The following SMC1A variants were observed in gnomAD, a reference collection of about 807,000 sequenced individuals.
SMC1A encodes structural maintenance of chromosomes protein 1A.
Under a neutral mutation model 94.5 loss-of-function variants are expected in SMC1A, and 4 were observed. That is an observed-to-expected ratio of 0.04 (90% CI 0.02 to 0.10). The LOEUF (loss-of-function observed/expected upper bound fraction) is 0.10. SMC1A is among the 10% of genes least tolerant of loss of function. The pLI, the probability that SMC1A is intolerant of heterozygous loss-of-function variation, is 1.00. For missense variants in SMC1A, 304 were observed against 989.0 expected (o/e 0.31, Z 9.29); for synonymous variants, 345 against 347.7 (o/e 0.99, Z 0.09).
At chrX:53,386,925 CTTAA>C (rs1556886506) in intron 19 of SMC1A, among the ~76,000 whole-genome samples, 1 of 112,211 alleles carries the variant, frequency 8.9e-6, no homozygotes, top group Non-Finnish European at 1.9e-5. Context: ...CTTTCCTTAG[CTTAA>C]TAATAAAAAG....
chrX:53,406,950 G>C (rs1190993545), intron 9 of SMC1A, among the ~76,000 whole-genome samples: 1 of 111,993 alleles, frequency 8.9e-6, no homozygotes, highest in Non-Finnish European at 1.9e-5. Context: ...TGCCCGCCTC[G>C]GCCTCCCAAA....
At chrX:53,381,894 G>A (rs2075584794) in intron 22 of SMC1A, 10 of 325,359 alleles carry the variant, frequency 3.1e-5, no homozygotes, top group Admixed American at 4.7e-5. Context: ...TCCTAAAGGG[G>A]AGGAGAATGA....
At chrX:53,410,237 G>GT (rs1569358249) in intron 7 of SMC1A, among the ~76,000 whole-genome samples, 1 of 111,784 alleles carries the variant, frequency 8.9e-6, no homozygotes, top group African/African-American at 3.3e-5. Flanking sequence ...GCTCGCGCCT[G>GT]TAATCCCAAC....
intron 19 of SMC1A, among the ~76,000 whole-genome samples, chrX:53,389,309 A>G (rs1416953053): frequency 1.8e-5 from 2 of 111,190 alleles, no homozygotes; most frequent in Non-Finnish European, 3.8e-5. Flanking sequence ...CAAGTGACAT[A>G]TCAATTAATG....
chrX:53,387,646 A>G (rs1337000644), intron 19 of SMC1A, among the ~76,000 whole-genome samples: 2 of 111,686 alleles, frequency 1.8e-5, no homozygotes, highest in East Asian at 5.6e-4. Context: ...AGCTTCCTGG[A>G]GAAATAGTGG....
intron 16 of SMC1A, 70 bp from the exon 17 acceptor site, chrX:53,396,687 C>T (rs1939980526): frequency 9.1e-7 from 1 of 1,104,289 alleles, no homozygotes; most frequent in Non-Finnish European, 1.2e-6. Flanking sequence ...TATTCTCCTG[C>T]TCCCACCCTT....
At position 53,396,168 on chromosome X, in the gene SMC1A, T is replaced by C. The variant is rs924229220; in HGVS notation, c.2862+59A>G. On this transcript the variant is annotated intron_variant, in intron 18 of 24. Transcript: ENST00000322213. ...CACTGCCCTTCCTGGTCACTTTCAC[T>C]CCCCATCCCTGGTTAATGATGTTCA... 6.3e-5 allele frequency: 73 copies of C among 1,155,768 alleles called. No individual in the cohort carries two copies. The Admixed American group carries it at 1.6e-3, about 25-fold the overall frequency.
intron 1 of SMC1A, among the ~76,000 whole-genome samples, chrX:53,419,823 C>CAA (rs782629535): frequency 7.1e-5 from 5 of 70,170 alleles, no homozygotes; most frequent in African/African-American, 2.0e-4. Context: ...GACTTCATCT[C>CAA]AAAAAAAAAA....
chrX:53,403,439 G>T, intron 15 of SMC1A, 127 bp downstream of exon 15: 1 of 558,141 alleles, frequency 1.8e-6, no homozygotes, highest in Non-Finnish European at 3.1e-6. Flanking sequence ...GTTCTTTAAG[G>T]CCTAGCTACA....
chrX:53,401,562 C>G (rs1199687741), intron 15 of SMC1A, among the ~76,000 whole-genome samples: 5 of 111,370 alleles, frequency 4.5e-5, no homozygotes, highest in Non-Finnish European at 3.8e-5. Flanking sequence ...TCTATATATT[C>G]ATTTGACTTA....
intron 1 of SMC1A, chrX:53,421,788 T>A (rs941684638): frequency 2.9e-5 from 26 of 889,286 alleles, no homozygotes; most frequent in Non-Finnish European, 4.1e-5. Flanking sequence ...AACTTGCAAC[T>A]GAATAACTCC....
chrX:53,385,212 T>C (rs1026309301), intron 19 of SMC1A, among the ~76,000 whole-genome samples: 1 of 108,582 alleles, frequency 9.2e-6, no homozygotes, highest in Non-Finnish European at 1.9e-5. Context: ...AGAAAGCCCT[T>C]ATGAAGATCT....
rs1556890572 is a variant in SMC1A, at chrX:53,411,917, G to A, written c.1114-16C>T. The A allele has an allele frequency of 5.8e-6, 7 of 1,209,395 alleles. 1 individual carries two copies. The South Asian group carries it at 1.2e-4, about 21-fold the overall frequency. On this transcript the variant is annotated splice_polypyrimidine_tract_variant and intron_variant, in intron 6 of 24. Transcript: ENST00000322213. ...ATTTCTTCACCTGTGTTAGGGACAG[G>A]GAAGGAGAACAGGGATGACCAAGTC...
intron 3 of SMC1A, among the ~76,000 whole-genome samples, chrX:53,414,530 G>A (rs1333214650): frequency 4.5e-5 from 5 of 111,636 alleles, no homozygotes; most frequent in African/African-American, 1.6e-4. Context: ...AAGGCAATAC[G>A]GAATCACTGA....
chrX:53,380,483 C>T, intron 24 of SMC1A, 137 bp downstream of exon 24: 1 of 510,386 alleles, frequency 2.0e-6, no homozygotes, highest in Non-Finnish European at 3.4e-6. Flanking sequence ...GGCAGGGCTC[C>T]AACAAGCCCA....
intron 1 of SMC1A, chrX:53,421,990 G>A: frequency 6.6e-6 from 8 of 1,209,494 alleles, no homozygotes; most frequent in Non-Finnish European, 8.9e-6. Context: ...CTCCAGAGAA[G>A]AGTAGAAAGG....
At chrX:53,409,576 C>G (rs1326506363) in intron 7 of SMC1A, 73 bp from the exon 8 acceptor site, 1 of 792,686 alleles carries the variant, frequency 1.3e-6, no homozygotes, top group Admixed American at 2.2e-5. Context: ...TAGATCACAC[C>G]CTTTATGTGC....
At position 53,405,686 on chromosome X, in the gene SMC1A, C is replaced by T; in HGVS notation, c.1732-14G>A. ...TGTAGGCTTCACCTGTGGGGAGAAG[C>T]TCAGTCAGTGGCAGAACACAAACAG... On this transcript the variant is annotated splice_polypyrimidine_tract_variant and intron_variant, in intron 10 of 24. Coordinates refer to ENST00000322213, the MANE Select transcript of SMC1A (RefSeq NM_006306.4). The T allele has an allele frequency of 8.3e-7, 1 of 1,211,351 alleles. No individual in the cohort carries two copies. The highest frequency in any genetic ancestry group is 1.1e-6 in the Non-Finnish European group (1 of 895,202).
Position 53,422,625 on chromosome X carries a change from A to G in SMC1A, c.-25T>C, listed in dbSNP as rs1556892396. ...TGACGGCCGCGGCGCCGGCGGCAGT[A>G]GGACAGGCCGCGCCGTACGCCCGAG... On this transcript the variant is annotated 5_prime_UTR_variant, in exon 1 of 25. Coordinates refer to ENST00000322213, the MANE Select transcript of SMC1A (RefSeq NM_006306.4). 4 of 1,025,296 alleles carry G rather than the reference A, an allele frequency of 3.9e-6. No individual in the cohort carries two copies. The highest frequency in any genetic ancestry group is 4.1e-6 in the Non-Finnish European group (3 of 726,995). 84.5% of individuals were successfully genotyped at this position (1,025,296 alleles called of 1,213,427 possible). A position where few individuals can be genotyped will look rare whatever the true frequency, so the allele number is the denominator to read the frequency against.
Sources: gnomAD v4.1 joint callset for allele counts (sites outside exome capture counted in the v4.1 genomes callset) on GRCh38, gnomAD v4.1.1 for gene constraint, MANE v1.5 for transcripts, NCBI Gene and HGNC (gene_info 2026-07-23, HGNC 2026-07-21) for gene names.